CRMP1: variants seen among roughly 807,000 people sequenced by gnomAD.
CRMP1 encodes the protein dihydropyrimidinase-related protein 1.
Under a neutral mutation model 68.3 loss-of-function variants are expected in CRMP1, and 19 were observed. The ratio of observed to expected loss-of-function variants is 0.28; its 90% confidence interval spans 0.19 to 0.41. CRMP1 has a LOEUF of 0.41. CRMP1 is among the 10% of genes least tolerant of loss of function. The pLI, the probability that CRMP1 is intolerant of heterozygous loss-of-function variation, is 1.00. For missense variants in CRMP1, 791 were observed against 967.4 expected (o/e 0.82, Z 2.42); for synonymous variants, 439 against 399.6 (o/e 1.10, Z -1.18).
Position 5,888,395 on chromosome 4 carries a change from C to T in CRMP1, c.381+4194G>A. The T allele has an allele frequency of 8.2e-7, 1 of 1,221,362 alleles. No individual in the cohort carries two copies. The highest frequency in any genetic ancestry group is 1.0e-6 in the Non-Finnish European group (1 of 980,540). 75.7% of individuals were successfully genotyped at this position (1,221,362 alleles called of 1,614,324 possible). ...GGAGGGATAGAGACACGGACGGAGG[C>T]TCGGCGCCCGTGGATGCCCACGCGC... On this transcript the variant is annotated intron_variant, in intron 1 of 13. Transcript: ENST00000324989. The surrounding 1 kb of genome is among the most constrained non-coding windows in gnomAD (Gnocchi z 6.4).
In CRMP1 at chr4:5,851,394, T is replaced by C; in HGVS notation, c.882+14A>G. On this transcript the variant is annotated intron_variant, in intron 5 of 13. Coordinates refer to ENST00000324989, the MANE Select transcript of CRMP1 (RefSeq NM_001014809.3). ...CCCAGACAAGAGAGGAGAGAGTGAG[T>C]GTGAGGGACCTACCTGGCTGTCGGA... is the stretch of plus-strand genomic sequence containing the variant. 1 of 1,613,142 alleles carries C rather than the reference T, an allele frequency of 6.2e-7. No homozygotes were observed. The highest frequency in any genetic ancestry group is 8.5e-7 in the Non-Finnish European group (1 of 1,179,186).
Position 5,872,820 on chromosome 4 carries a change from T to A in CRMP1, c.382-6064A>T, listed in dbSNP as rs565930131. Among the ~76,000 whole-genome samples the A allele has an allele frequency of 3.3e-5, 5 of 152,348 alleles. No homozygotes were observed. Among genetic ancestry groups the A allele is most frequent in the Non-Finnish European group, 5.9e-5 (4 of 68,038 alleles). ...TCGTTCCACAGCGACAGCAATGACC[T>A]TTAGAGCAAATCATGTTCTTGTGTC... On this transcript the variant is annotated intron_variant, in intron 1 of 13. Coordinates refer to ENST00000324989, the MANE Select transcript of CRMP1 (RefSeq NM_001014809.3). This position sits in a 1 kb window ranked among gnomAD's most constrained non-coding sequence, Gnocchi z 4.6.
At chr4:5,880,532 T>C (rs546601936) in intron 1 of CRMP1, among the ~76,000 whole-genome samples, 8 of 152,328 alleles carry the variant, frequency 5.3e-5, no homozygotes, top group Middle Eastern at 3.4e-3. Context: ...AGGTCATTAT[T>C]TACTCAAGGC....
intron 6 of CRMP1, among the ~76,000 whole-genome samples, chr4:5,845,915 G>A (rs967004787): frequency 5.3e-5 from 8 of 152,172 alleles, no homozygotes; most frequent in Non-Finnish European, 1.2e-4. Flanking sequence ...CCAAGGATGT[G>A]AGTCTACAGC....
At position 5,892,279 on chromosome 4, in the gene CRMP1, G is replaced by T. The variant is rs1715985888; in HGVS notation, c.381+310C>A. Among the ~76,000 whole-genome samples the T allele has an allele frequency of 1.3e-5, 2 of 152,220 alleles. No individual in the cohort carries two copies. The highest frequency in any genetic ancestry group is 4.8e-5 in the African/African-American group (2 of 41,472). ...CCCAGAGGTTCCTTCGCGTTTAAGC[G>T]TCCATGCGGTAGCTTTAGCCAACTT... On this transcript the variant is annotated intron_variant, in intron 1 of 13. Transcript: ENST00000324989. This position sits in a 1 kb window ranked among gnomAD's most constrained non-coding sequence, Gnocchi z 8.6.
chr4:5,879,608 A>G lies in CRMP1; in HGVS notation c.382-12852T>C, dbSNP rs1257050630. On this transcript the variant is annotated intron_variant, in intron 1 of 13. Coordinates refer to ENST00000324989, the MANE Select transcript of CRMP1 (RefSeq NM_001014809.3). This position sits in a 1 kb window ranked among gnomAD's most constrained non-coding sequence, Gnocchi z 4.2. ...CTACCTCACAAGATTACTTGAAATA[A>G]TATGTAAAAGCACCCAATACACTGA... Among the ~76,000 whole-genome samples the G allele has an allele frequency of 6.6e-6, 1 of 152,186 alleles. No individual in the cohort carries two copies. The highest frequency in any genetic ancestry group is 2.4e-5 in the African/African-American group (1 of 41,442).
chr4:5,879,565 T>C lies in CRMP1; in HGVS notation c.382-12809A>G, dbSNP rs111930292. Among the ~76,000 whole-genome samples the C allele has an allele frequency of 4.7e-3, 720 of 152,332 alleles. 10 individuals carry two copies. The highest frequency in any genetic ancestry group is 0.02 in the Middle Eastern group (6 of 294). On this transcript the variant is annotated intron_variant, in intron 1 of 13. Coordinates refer to ENST00000324989, the MANE Select transcript of CRMP1 (RefSeq NM_001014809.3). This position sits in a 1 kb window ranked among gnomAD's most constrained non-coding sequence, Gnocchi z 4.2. ...TGGCTTCAGTTTCCTCATCTATAAA[T>C]GGAACCCATCAAAATACCTACCTCA...
rs1157606940 is a variant in CRMP1, at chr4:5,855,874, G to C, written c.820+269C>G. ...GTGATCCGGGTGATGGAAAAGAAAA[G>C]TGAAGTTAGATCAGCAAGGGCCTGG... On this transcript the variant is annotated intron_variant, in intron 4 of 13. Transcript: ENST00000324989. The surrounding 1 kb of genome is among the most constrained non-coding windows in gnomAD (Gnocchi z 4.9). Among the ~76,000 whole-genome samples the C allele has an allele frequency of 6.6e-6, 1 of 152,192 alleles. No individual in the cohort carries two copies. The highest frequency in any genetic ancestry group is 1.5e-5 in the Non-Finnish European group (1 of 68,040).
In CRMP1 at chr4:5,842,299, G is replaced by C. The variant is rs944942731; in HGVS notation, c.1032+794C>G. 6.6e-6 allele frequency among the ~76,000 whole-genome samples: 1 copy of C among 151,776 alleles called. No individual in the cohort carries two copies. The highest frequency in any genetic ancestry group is 1.5e-5 in the Non-Finnish European group (1 of 67,888). ...TAGCCAGGCGTGGTGGCACAGGCCTGTGCCTAGTGCTCCTAGCTACTTGGG... is the reference window on the plus strand; with the variant it reads ...TAGCCAGGCGTGGTGGCACAGGCCTCTGCCTAGTGCTCCTAGCTACTTGGG... On this transcript the variant is annotated intron_variant, in intron 7 of 13. Transcript: ENST00000324989. The surrounding 1 kb of genome is among the most constrained non-coding windows in gnomAD (Gnocchi z 4.5).
Position 5,879,135 on chromosome 4 carries a change from C to T in CRMP1, c.382-12379G>A, listed in dbSNP as rs1326273180. ...TCATCTGTAGGACAAAGCTCACCTC[C>T]TAGGCTCTTCCCGGCCTGAGCCCGG... On this transcript the variant is annotated intron_variant, in intron 1 of 13. Coordinates refer to ENST00000324989, the MANE Select transcript of CRMP1 (RefSeq NM_001014809.3). This position sits in a 1 kb window ranked among gnomAD's most constrained non-coding sequence, Gnocchi z 4.2. Among the ~76,000 whole-genome samples, 2 of 151,838 alleles carry T rather than the reference C, an allele frequency of 1.3e-5. No individual in the cohort carries two copies. Among genetic ancestry groups the T allele is most frequent in the Non-Finnish European group, 2.9e-5 (2 of 67,910 alleles).
rs1317357407 is a variant in CRMP1, at chr4:5,866,298, G to T, written c.470+370C>A. Among the ~76,000 whole-genome samples, 1 of 152,206 alleles carries T rather than the reference G, an allele frequency of 6.6e-6. No homozygotes were observed. The highest frequency in any genetic ancestry group is 2.4e-5 in the African/African-American group (1 of 41,450). On this transcript the variant is annotated intron_variant, in intron 2 of 13. Transcript: ENST00000324989. This position sits in a 1 kb window ranked among gnomAD's most constrained non-coding sequence, Gnocchi z 5.9. ...AGAGCTGTGAATTCAGTTGTCTCAG[G>T]GTGGAATCCGGGCCTTGACCCTAAC...
Position 5,834,709 on chromosome 4 carries a change from TAATA to T in CRMP1, c.1623+1202_1623+1205del, listed in dbSNP as rs1205798956. ...GTGTGTACACACGTGAAATAATTCATAATAAATAATAGAATTGCAAGCCCTGCTG... is the reference window on the plus strand; with the variant it reads ...GTGTGTACACACGTGAAATAATTCATAATAATAGAATTGCAAGCCCTGCTG... On this transcript the variant is annotated intron_variant, in intron 11 of 13. Coordinates refer to ENST00000324989, the MANE Select transcript of CRMP1 (RefSeq NM_001014809.3). The surrounding 1 kb of genome is among the most constrained non-coding windows in gnomAD (Gnocchi z 4.3). 1.3e-5 allele frequency among the ~76,000 whole-genome samples: 2 copies of T among 152,166 alleles called. No individual in the cohort carries two copies. The highest frequency in any genetic ancestry group is 2.4e-5 in the African/African-American group (1 of 41,426).
Position 5,843,111 on chromosome 4 carries a change from G to A in CRMP1, c.1014C>T (p.Ala338=), listed in dbSNP as rs1207015852. ...TCCTTACCTCTTCAGGTCTGCTCAGGGCATGGCCCTCGGGACCCGTGATGC... is the reference window on the plus strand; with the variant it reads ...TCCTTACCTCTTCAGGTCTGCTCAGAGCATGGCCCTCGGGACCCGTGATGC... ...EMGITGPEGH[A]LSRPEELEAE... is the part of the protein sequence containing the mutation. The change falls in exon 7 of 14, where the codon GCC becomes GCT. Residue 338 remains alanine, a synonymous_variant. Transcript: ENST00000324989. The surrounding 1 kb of genome is among the most constrained non-coding windows in gnomAD (Gnocchi z 4.1). 1.2e-6 allele frequency: 2 copies of A among 1,614,134 alleles called. No individual in the cohort carries two copies. The highest frequency in any genetic ancestry group is 1.1e-5 in the South Asian group (1 of 91,076).
In CRMP1 at chr4:5,850,834, T is replaced by A. The variant is rs1291998211; in HGVS notation, c.882+574A>T. On this transcript the variant is annotated intron_variant, in intron 5 of 13. Transcript: ENST00000324989. The surrounding 1 kb of genome is among the most constrained non-coding windows in gnomAD (Gnocchi z 4.4). ...AGAAGGCCAGGTGTCCTGTAAGTCG[T>A]AACCACTCCTCCTGAAGAACAACTT... Among the ~76,000 whole-genome samples the A allele has an allele frequency of 6.6e-6, 1 of 152,220 alleles. No individual in the cohort carries two copies. Among genetic ancestry groups the A allele is most frequent in the Non-Finnish European group, 1.5e-5 (1 of 68,048 alleles).
rs140821865 is a variant in CRMP1 at position 5,889,389 on chromosome 4, G to A, written c.381+3200C>T. Among the ~76,000 whole-genome samples, 358 of 152,292 alleles carry A rather than the reference G, an allele frequency of 2.4e-3. 2 individuals are homozygous for A. Among genetic ancestry groups the A allele is most frequent in the African/African-American group, 8.0e-3 (331 of 41,570 alleles). ...CCACAGCCCTGGGGACAAGCTGGGG[G>A]TCAGGAGGAGGACTAGGGTGCTCCT... On this transcript the variant is annotated intron_variant, in intron 1 of 13. Coordinates refer to ENST00000324989, the MANE Select transcript of CRMP1 (RefSeq NM_001014809.3). The surrounding 1 kb of genome is among the most constrained non-coding windows in gnomAD (Gnocchi z 4.5).
At position 5,860,902 on chromosome 4, in the gene CRMP1, G is replaced by A. The variant is rs542164230; in HGVS notation, c.655+124C>T. On this transcript the variant is annotated intron_variant, in intron 3 of 13. Coordinates refer to ENST00000324989, the MANE Select transcript of CRMP1 (RefSeq NM_001014809.3). This position sits in a 1 kb window ranked among gnomAD's most constrained non-coding sequence, Gnocchi z 4.2. ...CAGTGACCTGTGTCATAGGGCTGGG[G>A]GGAGAATGAAATCCAATGGCACCCT... 15 of 944,990 alleles carry A rather than the reference G, an allele frequency of 1.6e-5. No individual in the cohort carries two copies. Among genetic ancestry groups the A allele is most frequent in the Non-Finnish European group, 2.3e-5 (15 of 640,878 alleles). The allele number at this position is 944,990 out of a possible 1,614,324, so 58.5% of individuals were successfully genotyped here.
intron 1 of CRMP1, among the ~76,000 whole-genome samples, chr4:5,882,448 C>A (rs1577846251): frequency 6.6e-6 from 1 of 152,272 alleles, no homozygotes; most frequent in South Asian, 2.1e-4. Context: ...TGCTATGGAG[C>A]AAAGCTAATA....
intron 10 of CRMP1, among the ~76,000 whole-genome samples, chr4:5,836,485 C>A (rs933385393): frequency 6.6e-6 from 1 of 152,202 alleles, no homozygotes; most frequent in Non-Finnish European, 1.5e-5. Flanking sequence ...GTTACAGAGC[C>A]ATTTCCACAG....
Position 5,892,645 on chromosome 4 carries a change from G to T in CRMP1, c.325C>A (p.Leu109Met). The T allele has an allele frequency of 1.7e-6, 2 of 1,193,538 alleles. No homozygotes were observed. The highest frequency in any genetic ancestry group is 7.3e-5 in the East Asian group (2 of 27,586). The allele number at this position is 1,193,538 out of a possible 1,614,324, so 73.9% of individuals were successfully genotyped here. Reference protein sequence around the residue: ...PGERDERPPTLRIRRPAPRDL... With the variant: ...PGERDERPPTMRIRRPAPRDL... ...CGGGGCGCGGGGCGGCGGATGCGCA[G>T]CGTCGGCGGCCGCTCGTCGCGCTCT... The change falls in exon 1 of 14, where the codon CTG becomes ATG. Residue 109 changes from leucine to methionine, a missense_variant. Around this residue, in one of 3 missense-constraint regions of CRMP1, gnomAD observed 193 missense variants for 186.3 expected, o/e 1.04. Coordinates refer to ENST00000324989, the MANE Select transcript of CRMP1 (RefSeq NM_001014809.3). The surrounding 1 kb of genome is among the most constrained non-coding windows in gnomAD (Gnocchi z 8.6).
Sources: allele counts gnomAD v4.1 joint callset (sites outside exome capture counted in the v4.1 genomes callset), GRCh38; gene constraint gnomAD v4.1.1; regional missense constraint gnomAD v4.1.1; non-coding constraint Gnocchi (gnomAD v3.1); transcripts MANE v1.5; gene names NCBI Gene and HGNC (gene_info 2026-07-23, HGNC 2026-07-21).